The following XYLT1 variants were observed in gnomAD, a reference collection of about 807,000 sequenced individuals.
XYLT1 encodes the protein beta-D-xylosyltransferase 1.
In XYLT1, 36 loss-of-function variants were observed where a neutral mutation model predicts 91.3. That is an observed-to-expected ratio of 0.39 (90% CI 0.30 to 0.52). The LOEUF (loss-of-function observed/expected upper bound fraction) is 0.52. Ranked by LOEUF, XYLT1 falls within the 20% of genes least tolerant of loss-of-function variation. The pLI is 0.68. For synonymous variants in XYLT1, 588 were observed against 532.0 expected (o/e 1.11, Z -1.45); for missense variants, 1,242 against 1,284.5 (o/e 0.97, Z 0.51).
chr16:17,158,775 G>C, intron 6 of XYLT1, 54 bp downstream of exon 6: 1 of 1,588,794 alleles, frequency 6.3e-7, no homozygotes, highest in Non-Finnish European at 8.6e-7. Context: ...TTCCCCAAAT[G>C]ATCACTCAGA....
intron 6 of XYLT1, among the ~76,000 whole-genome samples, chr16:17,153,255 A>G (rs149250514): frequency 1.2e-3 from 178 of 152,292 alleles, no homozygotes; most frequent in Non-Finnish European, 2.0e-3. Context: ...TACAGATGAG[A>G]AAACTGATAC....
At chr16:17,375,388 C>T (rs1221831836) in intron 1 of XYLT1, among the ~76,000 whole-genome samples, 2 of 151,442 alleles carry the variant, frequency 1.3e-5, no homozygotes, top group Non-Finnish European at 2.9e-5. Context: ...TATTGTTAAC[C>T]GGCCCATCCA....
chr16:17,145,908 T>C (rs2031117973), intron 6 of XYLT1, among the ~76,000 whole-genome samples: 1 of 152,252 alleles, frequency 6.6e-6, no homozygotes, highest in Non-Finnish European at 1.5e-5. Context: ...AGACTGGAGT[T>C]ACCTGTCTCC....
chr16:17,255,520 T>A (rs1164944849), intron 3 of XYLT1, among the ~76,000 whole-genome samples: 1 of 152,098 alleles, frequency 6.6e-6, no homozygotes, highest in African/African-American at 2.4e-5. Context: ...GGCATTCAAC[T>A]CAGGCCTCCA....
chr16:17,106,505 C>G lies in XYLT1; in HGVS notation c.*2190G>C, dbSNP rs1273474446. On this transcript the variant is annotated 3_prime_UTR_variant, in exon 12 of 12. Coordinates refer to ENST00000261381, the MANE Select transcript of XYLT1 (RefSeq NM_022166.4). ...CCCGGACTCTGCTGCCTGGATCTGA[C>G]GACCCTCCTCCTAAGATGGATCTCT... The G allele has an allele frequency of 6.6e-6, 1 of 152,238 alleles. No individual in the cohort carries two copies. 9.4% of individuals were successfully genotyped at this position (152,238 alleles called of 1,614,324 possible).
intron 5 of XYLT1, among the ~76,000 whole-genome samples, chr16:17,179,592 G>A (rs1455364516): frequency 1.3e-5 from 2 of 152,102 alleles, no homozygotes; most frequent in African/African-American, 4.8e-5. Context: ...TAATGAGCAT[G>A]GAGGATGCAC....
intron 2 of XYLT1, among the ~76,000 whole-genome samples, chr16:17,273,969 T>G (rs1294599840): frequency 6.6e-6 from 1 of 151,514 alleles, no homozygotes. Flanking sequence ...TGGAGCGCAG[T>G]AGCATGATCT....
Position 17,200,609 on chromosome 16 carries a change from T to A in XYLT1, c.959A>T (p.Tyr320Phe), listed in dbSNP as rs1268982805. 6.2e-7 allele frequency: 1 copy of A among 1,614,048 alleles called. No individual in the cohort carries two copies. Among genetic ancestry groups the A allele is most frequent in the African/African-American group, 1.3e-5 (1 of 74,938 alleles). Residue 320 changes from tyrosine to phenylalanine, a missense_variant, in exon 4 of 12, where the codon TAC becomes TTC. By Grantham distance (22) the Tyr-to-Phe change is conservative. Transcript: ENST00000261381. The part of the protein sequence containing the change: ...NVQWDEDSVE[Y>F]MPANPVRIAF... ...GATTCTGACCGGGTTGGCTGGCATG[T>A]ACTCCACGGAGTCCTCGTCCCACTG... is the stretch of plus-strand genomic sequence containing the variant.
intron 2 of XYLT1, among the ~76,000 whole-genome samples, chr16:17,310,137 C>T (rs768757869): frequency 1.3e-5 from 2 of 152,224 alleles, no homozygotes; most frequent in African/African-American, 2.4e-5. Flanking sequence ...AAAATCCTTT[C>T]CTGATTCCTC....
intron 2 of XYLT1, among the ~76,000 whole-genome samples, chr16:17,344,035 G>A (rs772749288): frequency 2.6e-4 from 40 of 152,248 alleles, no homozygotes; most frequent in Non-Finnish European, 5.0e-4. Flanking sequence ...GGTTAGGACC[G>A]TGGTTTTCAG....
At chr16:17,256,649 G>GA (rs374567962) in intron 3 of XYLT1, among the ~76,000 whole-genome samples, 9,241 of 113,554 alleles carry the variant, frequency 0.081, 658 homozygotes, top group African/African-American at 0.19. Context: ...ACTCCGTCTC[G>GA]AAAAAAAAAA....
intron 9 of XYLT1, among the ~76,000 whole-genome samples, chr16:17,132,806 G>T (rs577129293): frequency 6.6e-6 from 1 of 152,260 alleles, no homozygotes; most frequent in South Asian, 2.1e-4. Flanking sequence ...AGGAGGCTGA[G>T]GCAGAAGAAT....
At chr16:17,398,816 C>CCT (rs2035923563) in intron 1 of XYLT1, among the ~76,000 whole-genome samples, 1 of 43,064 alleles carries the variant, frequency 2.3e-5, no homozygotes, top group Admixed American at 2.8e-4. Context: ...CCAAATGTCC[C>CCT]CGCCCCCCCC....
chr16:17,135,156 C>G (rs904630586), intron 8 of XYLT1, among the ~76,000 whole-genome samples: 2 of 152,052 alleles, frequency 1.3e-5, no homozygotes. Flanking sequence ...CACGGAAATT[C>G]TTTTGGCTTC....
intron 3 of XYLT1, among the ~76,000 whole-genome samples, chr16:17,238,657 C>A (rs908305575): frequency 2.6e-5 from 4 of 152,242 alleles, no homozygotes; most frequent in Non-Finnish European, 4.4e-5. Context: ...CAGATCCCTG[C>A]CCTCCTCTTT....
rs540669642 is a variant in XYLT1 at position 17,389,377 on chromosome 16, C to G, written c.364-31327G>C. Among the ~76,000 whole-genome samples the G allele has an allele frequency of 4.7e-4, 71 of 152,280 alleles. 2 individuals are homozygous for G. In the South Asian group the frequency reaches 0.013, roughly 29 times the overall value. ...CCTCCCACCTCAGCCTCCTGAGTAG[C>G]GAGGACTACAGGTACACGCCACCAC... On this transcript the variant is annotated intron_variant, in intron 1 of 11. Transcript: ENST00000261381.
chr16:17,152,269 G>A (rs977930537), intron 6 of XYLT1, among the ~76,000 whole-genome samples: 25 of 152,190 alleles, frequency 1.6e-4, no homozygotes, highest in East Asian at 1.9e-4. Flanking sequence ...AAAAACACAC[G>A]CTGAGGCCCA....
chr16:17,161,637 G>A (rs2031554814), intron 5 of XYLT1, among the ~76,000 whole-genome samples: 2 of 151,880 alleles, frequency 1.3e-5, no homozygotes, highest in African/African-American at 4.8e-5. Context: ...TTAACAGCTT[G>A]CGATCTGGTG....
intron 5 of XYLT1, among the ~76,000 whole-genome samples, chr16:17,171,537 G>T (rs1355808135): frequency 6.6e-6 from 1 of 152,224 alleles, no homozygotes. Flanking sequence ...GATTTCCAAG[G>T]TTACTTGTTT....
Sources: gnomAD v4.1 joint callset for allele counts (sites outside exome capture counted in the v4.1 genomes callset) on GRCh38, gnomAD v4.1.1 for gene constraint, MANE v1.5 for transcripts, NCBI Gene and HGNC (gene_info 2026-07-23, HGNC 2026-07-21) for gene names.